KDM4A: variants seen among roughly 807,000 people sequenced by gnomAD.
KDM4A encodes lysine-specific demethylase 4A.
KDM4A carries 23 observed loss-of-function variants against 127.1 expected under a neutral mutation model. That is an observed-to-expected ratio of 0.18 (90% CI 0.13 to 0.26). The LOEUF (loss-of-function observed/expected upper bound fraction) is 0.26, where lower values mean the gene tolerates loss of function less well. Among genes scored for constraint, KDM4A ranks in the 10% least tolerant of loss-of-function variants. The pLI is 1.00. For missense variants in KDM4A, 890 were observed against 1,329.1 expected (o/e 0.67, Z 5.14); for synonymous variants, 443 against 466.5 (o/e 0.95, Z 0.65).
intron 12 of KDM4A, 44 bp downstream of exon 12, chr1:43,683,848 C>A: frequency 6.2e-7 from 1 of 1,608,604 alleles, no homozygotes. Flanking sequence ...CAGCTCACCA[C>A]ATTAGACTTG....
At chr1:43,690,746 A>C (rs1332849518) in intron 13 of KDM4A, 99 bp from the exon 14 acceptor site, 2 of 1,096,636 alleles carry the variant, frequency 1.8e-6, no homozygotes, top group East Asian at 4.7e-5. Flanking sequence ...AGCCATAGTC[A>C]GATCGGTAAG....
intron 1 of KDM4A, among the ~76,000 whole-genome samples, chr1:43,650,915 T>A (rs1660101541): frequency 6.6e-6 from 1 of 152,072 alleles, no homozygotes; most frequent in African/African-American, 2.4e-5. Flanking sequence ...GGAGGGAAGG[T>A]GTCATGAAAC....
Position 43,678,376 on chromosome 1 carries a change from G to A in KDM4A, c.1735-5308G>A, listed in dbSNP as rs1443043806. 3.3e-5 allele frequency among the ~76,000 whole-genome samples: 5 copies of A among 152,016 alleles called. No individual in the cohort carries two copies. In the East Asian group the frequency reaches 9.6e-4, roughly 29 times the overall value. On this transcript the variant is annotated intron_variant, in intron 11 of 21. Transcript: ENST00000372396. ...CCAGGTAGGAGAATGTGAGGGAGCA[G>A]CCAGAGGTCAGGAGAACTAGGAAAG...
At chr1:43,691,983 A>G (rs900303523) in intron 15 of KDM4A, among the ~76,000 whole-genome samples, 44 of 152,208 alleles carry the variant, frequency 2.9e-4, no homozygotes, top group African/African-American at 1.0e-3. Flanking sequence ...AGTTTGAGCA[A>G]AGTATCTTTT....
intron 5 of KDM4A, among the ~76,000 whole-genome samples, chr1:43,664,088 G>C (rs1371854408): frequency 6.6e-6 from 1 of 152,206 alleles, no homozygotes; most frequent in Non-Finnish European, 1.5e-5. Flanking sequence ...GAAGAAGTGG[G>C]TGCTAAGGTC....
In KDM4A at chr1:43,694,026, T is replaced by C; in HGVS notation, c.2408T>C (p.Leu803Pro). The part of the protein sequence containing the change: ...WVHVSCAVAI[L>P]EARFVNIAER... ...CACGTTTCATGTGCTGTGGCAATTC[T>C]GGAAGCAAGGTTTGTCAACATTGCA... The change falls in exon 17 of 22, where the codon CTG becomes CCG. Residue 803 changes from leucine to proline, a missense_variant. By Grantham distance (98) the Leu-to-Pro change is moderately conservative. Transcript: ENST00000372396. The surrounding 1 kb of genome is among the most constrained non-coding windows in gnomAD (Gnocchi z 5.2). 6.2e-7 allele frequency: 1 copy of C among 1,614,256 alleles called. No homozygotes were observed. Among genetic ancestry groups the C allele is most frequent in the Non-Finnish European group, 8.5e-7 (1 of 1,180,038 alleles).
intron 11 of KDM4A, among the ~76,000 whole-genome samples, chr1:43,680,929 T>C (rs1364475579): frequency 6.6e-6 from 1 of 152,202 alleles, no homozygotes; most frequent in Non-Finnish European, 1.5e-5. Context: ...GGAACCATTA[T>C]TCTCTCTACC....
At chr1:43,691,667 C>T in intron 15 of KDM4A, 95 bp downstream of exon 15, 1 of 1,049,436 alleles carries the variant, frequency 9.5e-7, no homozygotes, top group Non-Finnish European at 1.5e-6. Flanking sequence ...TCCCAGCAGT[C>T]TGCATAGGGT....
intron 18 of KDM4A, among the ~76,000 whole-genome samples, chr1:43,695,471 G>A (rs1467364502): frequency 1.3e-5 from 2 of 152,202 alleles, no homozygotes; most frequent in South Asian, 2.1e-4. Flanking sequence ...TGAACAGGTC[G>A]CAGAAGAAGG....
Position 43,667,914 on chromosome 1 carries a change from T to A in KDM4A, c.1058T>A (p.Phe353Tyr). The A allele has an allele frequency of 6.2e-7, 1 of 1,614,134 alleles. No individual in the cohort carries two copies. Among genetic ancestry groups the A allele is most frequent in the Non-Finnish European group, 8.5e-7 (1 of 1,180,022 alleles). ...HTLPTPEAAEFLKESELPPRA... is the reference protein window; with the variant it reads ...HTLPTPEAAEYLKESELPPRA... Reference sequence around the variant, plus strand: ...CTGCCCACGCCAGAAGCAGCTGAGTTTCTTAAGGAGAGTGAACTGCCTCCA... The same window carrying A: ...CTGCCCACGCCAGAAGCAGCTGAGTATCTTAAGGAGAGTGAACTGCCTCCA... Residue 353 changes from phenylalanine to tyrosine, a missense_variant, in exon 9 of 22, where the codon TTT (phenylalanine) becomes TAT (tyrosine). Transcript: ENST00000372396.
At chr1:43,650,926 G>A (rs1660101780) in intron 1 of KDM4A, among the ~76,000 whole-genome samples, 1 of 152,220 alleles carries the variant, frequency 6.6e-6, no homozygotes, top group African/African-American at 2.4e-5. Flanking sequence ...GTCATGAAAC[G>A]GGAGCTTTCC....
chr1:43,689,169 T>C (rs1557917215), intron 13 of KDM4A, 74 bp downstream of exon 13: 5 of 1,481,210 alleles, frequency 3.4e-6, no homozygotes, highest in African/African-American at 1.4e-5. Flanking sequence ...TGTGAGTATA[T>C]AGCTTGTCAC....
intron 20 of KDM4A, 74 bp from the exon 21 acceptor site, chr1:43,703,938 TGTAGGGGA>T: frequency 1.5e-6 from 2 of 1,354,060 alleles, no homozygotes; most frequent in Non-Finnish European, 2.1e-6. Context: ...TTCCTTTGAC[TGTAGGGGA>T]CTGCCACTGT....
chr1:43,702,513 C>G (rs993530523), intron 19 of KDM4A: 1 of 152,160 alleles, frequency 6.6e-6, no homozygotes, highest in Non-Finnish European at 1.5e-5. Context: ...CCCTGCCCCT[C>G]TCTCATTTTT....
chr1:43,678,190 C>G (rs1021583717), intron 11 of KDM4A, among the ~76,000 whole-genome samples: 1 of 151,838 alleles, frequency 6.6e-6, no homozygotes, highest in Non-Finnish European at 1.5e-5. Flanking sequence ...TAGAGGGGGA[C>G]TTTTGTGAGG....
Position 43,703,718 on chromosome 1 carries a change from C to T in KDM4A, c.2943C>T (p.His981=). The change falls in exon 20 of 22, where the codon CAC becomes CAT. Residue 981 remains histidine (H), a synonymous_variant. Transcript: ENST00000372396. ...ATGGAGCCAAGTTTGTGGCCTCCCA[C>T]CCTATCCAAATGTACCAGGTATCCA... is the stretch of plus-strand genomic sequence containing the variant. The part of the protein sequence containing the change: ...QVYGAKFVAS[H]PIQMYQVEFE... The T allele has an allele frequency of 6.2e-7, 1 of 1,614,136 alleles. No individual in the cohort carries two copies. The highest frequency in any genetic ancestry group is 8.5e-7 in the Non-Finnish European group (1 of 1,180,002).
chr1:43,701,033 C>T (rs1399787721), intron 19 of KDM4A, among the ~76,000 whole-genome samples: 2 of 151,872 alleles, frequency 1.3e-5, no homozygotes, highest in South Asian at 2.1e-4. Flanking sequence ...AGCGATTCTC[C>T]TGCCTCAGCA....
At position 43,656,058 on chromosome 1, in the gene KDM4A, A is replaced by G. The variant is rs1660229210; in HGVS notation, c.314+292A>G. On this transcript the variant is annotated intron_variant, in intron 3 of 21. Coordinates refer to ENST00000372396, the MANE Select transcript of KDM4A (RefSeq NM_014663.3). ...AGGAGAAAGTTGGATGTGGTGCACA[A>G]GGAGCTTTTGCTGGGTATTATCAAC... Among the ~76,000 whole-genome samples the G allele has an allele frequency of 2.0e-5, 3 of 152,198 alleles. No homozygotes were observed. In the South Asian group the frequency reaches 6.2e-4, roughly 32 times the overall value.
In KDM4A at chr1:43,694,743, C is replaced by G; in HGVS notation, c.2519C>G (p.Thr840Ser). ...CIFCKKRRKR[T>S]AGCCVQCSHG... ...TTCTGTAAGAAGCGGAGGAAAAGAA[C>G]TGCTGGCTGCTGTGTGCAGTGTTCT... The change falls in exon 18 of 22, where the codon ACT (threonine) becomes AGT (serine). Residue 840 changes from threonine (T) to serine (S), a missense_variant. Thr to Ser is a moderately conservative substitution (Grantham distance 58). Around this residue, in one of 7 missense-constraint regions of KDM4A, gnomAD observed 246 missense variants for 418.4 expected, o/e 0.59. Transcript: ENST00000372396. The surrounding 1 kb of genome is among the most constrained non-coding windows in gnomAD (Gnocchi z 5.2). 3 of 1,613,018 alleles carry G rather than the reference C, an allele frequency of 1.9e-6. No individual in the cohort carries two copies. Among genetic ancestry groups the G allele is most frequent in the Non-Finnish European group, 2.5e-6 (3 of 1,179,068 alleles).
Sources: gnomAD v4.1 joint callset for allele counts (sites outside exome capture counted in the v4.1 genomes callset) on GRCh38, gnomAD v4.1.1 for gene constraint, gnomAD v4.1.1 regional missense constraint, Gnocchi (gnomAD v3.1) non-coding constraint, MANE v1.5 for transcripts, NCBI Gene and HGNC (gene_info 2026-07-23, HGNC 2026-07-21) for gene names.